NAV3: variants seen among roughly 807,000 people sequenced by gnomAD.
The protein encoded by NAV3 is neuron navigator 3.
Under a neutral mutation model 244.7 loss-of-function variants are expected in NAV3, and 87 were observed. The observed-to-expected ratio is 0.36, with a 90% CI of 0.30 to 0.42. The LOEUF (loss-of-function observed/expected upper bound fraction) is 0.42, where lower values mean the gene tolerates loss of function less well. Among genes scored for constraint, NAV3 ranks in the 20% least tolerant of loss-of-function variants. The pLI is 1.00. For missense variants in NAV3, 2,663 were observed against 2,893.3 expected (o/e 0.92, Z 1.83); for synonymous variants, 1,126 against 1,042.2 (o/e 1.08, Z -1.55).
At chr12:77,646,665 T>C (rs943737878) in intron 2 of NAV3, among the ~76,000 whole-genome samples, 1 of 152,036 alleles carries the variant, frequency 6.6e-6, no homozygotes. Context: ...AAGGGTTTGG[T>C]TGTCCAGGTG....
chr12:77,928,979 T>C (rs1888505678), intron 1 of NAV3, among the ~76,000 whole-genome samples: 1 of 152,196 alleles, frequency 6.6e-6, no homozygotes, highest in Non-Finnish European at 1.5e-5. Context: ...CAATGTTGAT[T>C]ATTTGTCCAT....
chr12:78,105,645 A>G (rs1954763409), intron 12 of NAV3, among the ~76,000 whole-genome samples: 1 of 151,748 alleles, frequency 6.6e-6, no homozygotes, highest in Non-Finnish European at 1.5e-5. Flanking sequence ...AATTTTAAGG[A>G]TTTTCTATCA....
chr12:77,634,594 T>C (rs948131002), intron 2 of NAV3, among the ~76,000 whole-genome samples: 1 of 152,174 alleles, frequency 6.6e-6, no homozygotes, highest in African/African-American at 2.4e-5. Flanking sequence ...TATATTTTAA[T>C]ATGTAAAACA....
rs768091441 is a variant in NAV3 at position 77,994,815 on chromosome 12, A to T, written c.684A>T (p.Arg228Ser). Residue 228 changes from arginine (R) to serine (S), a missense_variant, in exon 6 of 40, where the codon AGA becomes AGT. Physicochemically the swap from Arg to Ser is moderately radical, Grantham distance 110 (BLOSUM62 -1). Coordinates refer to ENST00000397909, the MANE Select transcript of NAV3 (RefSeq NM_001024383.2). ...QQDMQSSLAARYATQSNHSGI... is the reference protein window; with the variant it reads ...QQDMQSSLAASYATQSNHSGI... ...TCTCCTCATACAGTCTGGCAGCCAG[A>T]TATGCAACTCAGTCTAATCACAGTG... 6 of 1,611,318 alleles carry T rather than the reference A, an allele frequency of 3.7e-6. No homozygotes were observed. In the Admixed American group the frequency reaches 6.7e-5, roughly 18 times the overall value.
intron 2 of NAV3, among the ~76,000 whole-genome samples, chr12:77,701,520 TC>T (rs775202763): frequency 3.9e-5 from 6 of 151,950 alleles, no homozygotes; most frequent in Non-Finnish European, 7.4e-5. Flanking sequence ...TATTATTTTT[TC>T]ATACTCTTCA....
chr12:77,853,770 T>C (rs1200280744), intron 1 of NAV3, among the ~76,000 whole-genome samples: 2 of 152,240 alleles, frequency 1.3e-5, no homozygotes, highest in African/African-American at 4.8e-5. Context: ...TTGGCAGACT[T>C]CTAAAAATCA....
At chr12:77,746,652 A>G (rs1018852250) in intron 2 of NAV3, among the ~76,000 whole-genome samples, 1 of 152,140 alleles carries the variant, frequency 6.6e-6, no homozygotes, top group African/African-American at 2.4e-5. Context: ...TAATTATAAC[A>G]TTTGATATAG....
chr12:77,943,287 A>G (rs1890045560), intron 3 of NAV3, among the ~76,000 whole-genome samples: 1 of 152,174 alleles, frequency 6.6e-6, no homozygotes, highest in Admixed American at 6.5e-5. Flanking sequence ...ACTTCTGATT[A>G]AAACAAAATA....
At chr12:77,862,169 GTCTT>G (rs770504207) in intron 1 of NAV3, among the ~76,000 whole-genome samples, 4 of 151,538 alleles carry the variant, frequency 2.6e-5, no homozygotes, top group Non-Finnish European at 4.4e-5. Context: ...TTGGTCATGG[GTCTT>G]TGAAGAGTGC....
intron 2 of NAV3, among the ~76,000 whole-genome samples, chr12:77,659,486 A>T (rs185321359): frequency 0.014 from 2,162 of 152,294 alleles, 51 homozygotes; most frequent in African/African-American, 0.05. Context: ...ATGTGGAGAA[A>T]TAGGAACACT....
At chr12:77,889,141 G>A (rs368407190) in intron 1 of NAV3, among the ~76,000 whole-genome samples, 39 of 152,250 alleles carry the variant, frequency 2.6e-4, no homozygotes, top group Admixed American at 9.2e-4. Context: ...ATATGAAGGC[G>A]TCTGGATGAG....
chr12:77,664,151 G>T (rs1873605833), intron 2 of NAV3, among the ~76,000 whole-genome samples: 1 of 152,198 alleles, frequency 6.6e-6, no homozygotes, highest in Non-Finnish European at 1.5e-5. Context: ...TGCCAATGGT[G>T]AAATACTTAC....
At chr12:78,135,426 G>A (rs1356077643) in intron 18 of NAV3, among the ~76,000 whole-genome samples, 1 of 152,140 alleles carries the variant, frequency 6.6e-6, no homozygotes, top group Non-Finnish European at 1.5e-5. Context: ...CCTCATTAAT[G>A]TTTCATCTTG....
chr12:78,079,258 G>A (rs569751785), intron 12 of NAV3, among the ~76,000 whole-genome samples: 1 of 152,126 alleles, frequency 6.6e-6, no homozygotes, highest in Non-Finnish European at 1.5e-5. Context: ...AAAAGACAGT[G>A]TGAGATTTTT....
chr12:78,144,714 G>T (rs184310287), intron 20 of NAV3, among the ~76,000 whole-genome samples: 1 of 151,450 alleles, frequency 6.6e-6, no homozygotes, highest in African/African-American at 2.4e-5. Context: ...TTTTTTAAAA[G>T]AATAAATTAT....
At chr12:77,866,168 A>G (rs992185847) in intron 1 of NAV3, among the ~76,000 whole-genome samples, 15 of 152,238 alleles carry the variant, frequency 9.9e-5, no homozygotes, top group African/African-American at 3.4e-4. Flanking sequence ...GAATGCATCT[A>G]TACTATTTTT....
At position 77,648,956 on chromosome 12, in the gene NAV3, G is replaced by A. The variant is rs1276765223; in HGVS notation, c.72+76690G>A. On this transcript the variant is annotated intron_variant, in intron 2 of 8. Coordinates refer to the NAV3 transcript ENST00000550042. ...GTCATTGGGAAATAGGACAGTATGA[G>A]GAAGGTGGTCCAGATAGAATCAGTC... is the stretch of plus-strand genomic sequence containing the variant. 2.0e-5 allele frequency among the ~76,000 whole-genome samples: 3 copies of A among 152,080 alleles called. No individual in the cohort carries two copies. The East Asian group carries it at 5.8e-4, about 29-fold the overall frequency.
intron 2 of NAV3, among the ~76,000 whole-genome samples, chr12:77,778,574 T>C (rs1870502939): frequency 7.0e-6 from 1 of 143,028 alleles, no homozygotes; most frequent in Admixed American, 7.3e-5. Context: ...ATCGCGCCAC[T>C]GCACTCCAGC....
chr12:78,119,741 C>A lies in NAV3; in HGVS notation c.3545C>A (p.Thr1182Asn), dbSNP rs2138629691. 1 of 1,614,128 alleles carries A rather than the reference C, an allele frequency of 6.2e-7. No homozygotes were observed. Among genetic ancestry groups the A allele is most frequent in the South Asian group, 1.1e-5 (1 of 91,072 alleles). The stretch of plus-strand genomic sequence containing the variant: ...ACCACCTCGAAACTGAGAGAACCAA[C>A]TAAAATTGGGTCAGGGCGCTCGAGT... ...GATTSKLREP[T>N]KIGSGRSSPV... is the part of the protein sequence containing the mutation. The change falls in exon 15 of 40, where the codon ACT (threonine) becomes AAT (asparagine). Residue 1182 changes from threonine to asparagine, a missense_variant. Physicochemically the swap from Thr to Asn is moderately conservative, Grantham distance 65. This residue lies in a region of NAV3 where 1,521 missense variants were observed against 1,497.0 expected (regional missense o/e 1.02). Coordinates refer to ENST00000397909, the MANE Select transcript of NAV3 (RefSeq NM_001024383.2).
Sources: gnomAD v4.1 joint callset for allele counts (sites outside exome capture counted in the v4.1 genomes callset) on GRCh38, gnomAD v4.1.1 for gene constraint, gnomAD v4.1.1 regional missense constraint, MANE v1.5 for transcripts, NCBI Gene and HGNC (gene_info 2026-07-23, HGNC 2026-07-21) for gene names.